Variants in CDH4 observed in about 807,000 individuals in gnomAD.
CDH4 encodes cadherin 4, also known as cadherin-4.
Under a neutral mutation model 86.0 loss-of-function variants are expected in CDH4, and 33 were observed. The observed-to-expected ratio is 0.38, with a 90% confidence interval of 0.29 to 0.51. The LOEUF (loss-of-function observed/expected upper bound fraction) is 0.51. Ranked by LOEUF, CDH4 falls within the 20% of genes least tolerant of loss-of-function variation. The pLI is 0.86. For synonymous variants in CDH4, 555 were observed against 549.4 expected (o/e 1.01, Z -0.14); for missense variants, 1,114 against 1,307.4 (o/e 0.85, Z 2.28).
rs146263602 is a variant in CDH4 at position 61,411,631 on chromosome 20, G to A, written c.169+156694G>A. On this transcript the variant is annotated intron_variant, in intron 2 of 15. Coordinates refer to ENST00000614565, the MANE Select transcript of CDH4 (RefSeq NM_001794.5). ...GGCCTGCCATATGCTCCATGTCTAC[G>A]TTGAACAGCTCATTTTGTTCAGCTC... is the stretch of plus-strand genomic sequence containing the variant. Among the ~76,000 whole-genome samples the A allele has an allele frequency of 3.3e-3, 501 of 152,162 alleles. 6 individuals are homozygous for A. Among genetic ancestry groups the A allele is most frequent in the African/African-American group, 0.011 (453 of 41,500 alleles).
At chr20:61,657,047 T>C (rs2145825834) in intron 2 of CDH4, among the ~76,000 whole-genome samples, 1 of 152,326 alleles carries the variant, frequency 6.6e-6, no homozygotes, top group African/African-American at 2.4e-5. Context: ...AGAGCCATTC[T>C]TGGGCCAGAG....
intron 6 of CDH4, among the ~76,000 whole-genome samples, chr20:61,853,439 C>T (rs1373072104): frequency 2.6e-5 from 4 of 152,178 alleles, no homozygotes; most frequent in Non-Finnish European, 5.9e-5. Context: ...AGAGGCGATC[C>T]CATGTGACTG....
At chr20:61,679,571 G>T (rs886170867) in intron 2 of CDH4, among the ~76,000 whole-genome samples, 8 of 152,174 alleles carry the variant, frequency 5.3e-5, no homozygotes, top group African/African-American at 1.9e-4. Flanking sequence ...CTAGCTGCTG[G>T]GGATGTCAGG....
intron 2 of CDH4, among the ~76,000 whole-genome samples, chr20:61,388,715 A>G (rs922728958): frequency 2.6e-5 from 4 of 152,244 alleles, no homozygotes; most frequent in Non-Finnish European, 4.4e-5. Context: ...TGCTGGCTAC[A>G]TGTGTATGGT....
intron 2 of CDH4, among the ~76,000 whole-genome samples, chr20:61,332,855 G>A (rs1045327377): frequency 6.6e-6 from 1 of 152,184 alleles, no homozygotes; most frequent in African/African-American, 2.4e-5. Flanking sequence ...AGGCTATTTC[G>A]GGAGAAGGCT....
At chr20:61,727,287 T>A (rs953934634) in intron 2 of CDH4, among the ~76,000 whole-genome samples, 1 of 151,654 alleles carries the variant, frequency 6.6e-6, no homozygotes, top group Non-Finnish European at 1.5e-5. Flanking sequence ...TCATCAACAC[T>A]GGAGCCATCA....
At chr20:61,292,664 C>G (rs1297977586) in intron 2 of CDH4, among the ~76,000 whole-genome samples, 3 of 152,256 alleles carry the variant, frequency 2.0e-5, no homozygotes, top group South Asian at 4.1e-4. Flanking sequence ...GGAAGTGCGG[C>G]CAGGGCTGAC....
intron 6 of CDH4, among the ~76,000 whole-genome samples, chr20:61,871,271 T>A (rs554567471): frequency 6.6e-6 from 1 of 152,338 alleles, no homozygotes; most frequent in South Asian, 2.1e-4. Flanking sequence ...TTTCACTGAA[T>A]AATGAATGCC....
At position 61,879,251 on chromosome 20, in the gene CDH4, T is replaced by C. The variant is rs988505521; in HGVS notation, c.1050+5351T>C. Among the ~76,000 whole-genome samples, 1 of 152,222 alleles carries C rather than the reference T, an allele frequency of 6.6e-6. No homozygotes were observed. The highest frequency in any genetic ancestry group is 2.4e-5 in the African/African-American group (1 of 41,462). On this transcript the variant is annotated intron_variant, in intron 7 of 15. Coordinates refer to ENST00000614565, the MANE Select transcript of CDH4 (RefSeq NM_001794.5). This position sits in a 1 kb window ranked among gnomAD's most constrained non-coding sequence, Gnocchi z 4.1. ...CCCGAGAAGCTGATTTCTGTCTGGC[T>C]TGGCGTATCAGAGAAGAGCACACAT...
At chr20:61,815,164 G>A (rs1223249473) in intron 4 of CDH4, among the ~76,000 whole-genome samples, 4 of 152,194 alleles carry the variant, frequency 2.6e-5, no homozygotes, top group African/African-American at 9.7e-5. Flanking sequence ...TAGGACTGGG[G>A]GAGGTGGGGC....
At chr20:61,316,923 C>T (rs549713728) in intron 2 of CDH4, among the ~76,000 whole-genome samples, 1 of 151,648 alleles carries the variant, frequency 6.6e-6, no homozygotes, top group Non-Finnish European at 1.5e-5. Flanking sequence ...CCCTCAGGTG[C>T]GTGCAGCCTC....
At chr20:61,273,068 T>C (rs1391310370) in intron 2 of CDH4, among the ~76,000 whole-genome samples, 1 of 72,344 alleles carries the variant, frequency 1.4e-5, no homozygotes, top group African/African-American at 5.9e-5. Flanking sequence ...GGGAGGACCA[T>C]GTGCAGTTTG....
At chr20:61,822,772 C>T (rs1981114667) in intron 4 of CDH4, among the ~76,000 whole-genome samples, 1 of 152,232 alleles carries the variant, frequency 6.6e-6, no homozygotes, top group South Asian at 2.1e-4. Context: ...ATCAAAAGGC[C>T]AGCTGCCCAT....
intron 1 of CDH4, among the ~76,000 whole-genome samples, chr20:61,253,163 C>T (rs2123107987): frequency 6.6e-6 from 1 of 151,408 alleles, no homozygotes; most frequent in African/African-American, 2.4e-5. Context: ...GGGGCACTCT[C>T]ACCCCCGAGC....
chr20:61,838,343 T>A (rs2146091660), intron 4 of CDH4, among the ~76,000 whole-genome samples: 1 of 152,148 alleles, frequency 6.6e-6, no homozygotes, highest in African/African-American at 2.4e-5. Flanking sequence ...CCCTCGGCTG[T>A]GCAATGCAGG....
intron 7 of CDH4, among the ~76,000 whole-genome samples, chr20:61,894,069 C>T (rs1015645177): frequency 6.6e-6 from 1 of 152,134 alleles, no homozygotes; most frequent in African/African-American, 2.4e-5. Flanking sequence ...CGCTTTGGTC[C>T]CCAGAATCCC....
chr20:61,325,716 G>A (rs770309292), intron 2 of CDH4, among the ~76,000 whole-genome samples: 1 of 152,098 alleles, frequency 6.6e-6, no homozygotes, highest in South Asian at 2.1e-4. Context: ...ATGTGCAAGA[G>A]TGTTTATAGG....
intron 2 of CDH4, among the ~76,000 whole-genome samples, chr20:61,642,556 GTT>G (rs1485410279): frequency 6.6e-6 from 1 of 152,246 alleles, no homozygotes; most frequent in Admixed American, 6.5e-5. Context: ...CTGGTGGGCA[GTT>G]TGAAGCACAG....
At chr20:61,648,497 T>C (rs1198394436) in intron 2 of CDH4, among the ~76,000 whole-genome samples, 2 of 152,218 alleles carry the variant, frequency 1.3e-5, no homozygotes, top group Non-Finnish European at 2.9e-5. Flanking sequence ...GGGCCAGCTC[T>C]GCCGAGCCCC....
Sources: gnomAD v4.1 joint callset for allele counts (sites outside exome capture counted in the v4.1 genomes callset) on GRCh38, gnomAD v4.1.1 for gene constraint, Gnocchi (gnomAD v3.1) non-coding constraint, MANE v1.5 for transcripts, NCBI Gene and HGNC (gene_info 2026-07-23, HGNC 2026-07-21) for gene names.